Variants in NTAQ1 observed in about 807,000 individuals in gnomAD.
The protein encoded by NTAQ1 is N-terminal glutamine amidase 1, also known as protein N-terminal glutamine amidohydrolase.
In NTAQ1, 21 loss-of-function variants were observed where a neutral mutation model predicts 28.2. That is an observed-to-expected ratio of 0.74 (90% CI 0.53 to 1.07). NTAQ1 has a LOEUF of 1.07. NTAQ1 is among the 50% of genes least tolerant of loss of function. The pLI is 0.00. For missense variants in NTAQ1, 264 were observed against 256.6 expected, an observed-to-expected ratio of 1.03 and a Z score of -0.20; for synonymous variants, 105 against 90.0, an observed-to-expected ratio of 1.17 and a Z score of -0.94.
downstream of NTAQ1, among the ~76,000 whole-genome samples, chr8:123,451,645 TC>T (rs958475340): frequency 7.2e-5 from 11 of 152,170 alleles, no homozygotes; most frequent in Non-Finnish European, 1.6e-4. Flanking sequence ...GGTCTAAAAG[TC>T]TGTTTTCTAT....
downstream of NTAQ1, among the ~76,000 whole-genome samples, chr8:123,473,333 T>C (rs544425294): frequency 1.3e-5 from 2 of 151,800 alleles, no homozygotes; most frequent in African/African-American, 4.8e-5. Context: ...TCTTGCTCTG[T>C]TGCTTAGGCT....
At chr8:123,468,192 A>G (rs1392545987) in exon 7 of NTAQ1, among the ~76,000 whole-genome samples, 1 of 152,230 alleles carries the variant, frequency 6.6e-6, no homozygotes, top group Non-Finnish European at 1.5e-5. Flanking sequence ...TACCCTAAGC[A>G]CCAATAAATT....
downstream of NTAQ1, among the ~76,000 whole-genome samples, chr8:123,451,527 C>T (rs923144907): frequency 6.6e-6 from 1 of 151,774 alleles, no homozygotes; most frequent in African/African-American, 2.4e-5. Context: ...TTATTAGAGA[C>T]AGAGTTTCAT....
At chr8:123,421,615 G>T (rs7004908) in intron 1 of NTAQ1, among the ~76,000 whole-genome samples, 134,667 of 149,658 alleles carry the variant, frequency 0.9, 60,662 homozygotes, top group East Asian at 0.99. Flanking sequence ...TTCAAGTGAT[G>T]CTCCCAGCTG....
intron 6 of NTAQ1, among the ~76,000 whole-genome samples, chr8:123,454,568 C>G (rs1482753533): frequency 1.3e-5 from 2 of 152,112 alleles, no homozygotes; most frequent in Non-Finnish European, 2.9e-5. Context: ...CGGGGTTTCT[C>G]CATGTTGGTC....
chr8:123,465,421 A>G (rs967992826), intron 6 of NTAQ1, among the ~76,000 whole-genome samples: 2 of 151,998 alleles, frequency 1.3e-5, no homozygotes, highest in African/African-American at 2.4e-5. Context: ...CTCATACTAA[A>G]GCTTTGTAGT....
intron 1 of NTAQ1, among the ~76,000 whole-genome samples, chr8:123,422,613 T>G (rs1364598225): frequency 5.9e-5 from 9 of 151,686 alleles, no homozygotes; most frequent in Non-Finnish European, 1.3e-4. Context: ...ATAGTTTTTT[T>G]TTTTTTTTTT....
chr8:123,428,372 T>A (rs1321982369), intron 2 of NTAQ1, among the ~76,000 whole-genome samples: 1 of 151,888 alleles, frequency 6.6e-6, no homozygotes, highest in African/African-American at 2.4e-5. Context: ...AATTTTTGTA[T>A]TTTTTAGTAG....
chr8:123,457,685 T>A (rs1233236453), intron 6 of NTAQ1, among the ~76,000 whole-genome samples: 1 of 152,114 alleles, frequency 6.6e-6, no homozygotes, highest in Non-Finnish European at 1.5e-5. Context: ...GAAACTTCAT[T>A]GTGTACCCTT....
At chr8:123,432,394 C>T (rs1814450431) in intron 3 of NTAQ1, among the ~76,000 whole-genome samples, 1 of 152,118 alleles carries the variant, frequency 6.6e-6, no homozygotes, top group Non-Finnish European at 1.5e-5. Flanking sequence ...AATCCCAGCA[C>T]TTTGGGATGC....
chr8:123,420,590 C>CATTT (rs1813618794), intron 1 of NTAQ1, among the ~76,000 whole-genome samples: 1 of 102,034 alleles, frequency 9.8e-6, no homozygotes, highest in Non-Finnish European at 1.8e-5. Flanking sequence ...TATTTTTTGC[C>CATTT]TTTTTTTTTT....
chr8:123,442,986 T>C (rs2130342992), downstream of NTAQ1, among the ~76,000 whole-genome samples: 1 of 146,936 alleles, frequency 6.8e-6, no homozygotes, highest in Middle Eastern at 4.3e-3. Flanking sequence ...TAGAAATTTC[T>C]GCATAAACTG....
chr8:123,462,074 C>G (rs1028959875), intron 6 of NTAQ1, among the ~76,000 whole-genome samples: 6 of 152,056 alleles, frequency 3.9e-5, no homozygotes, highest in Non-Finnish European at 7.4e-5. Flanking sequence ...TTAAGACAGT[C>G]TCGCTGTGTC....
downstream of NTAQ1, among the ~76,000 whole-genome samples, chr8:123,449,520 T>G (rs1815406361): frequency 1.3e-5 from 2 of 152,072 alleles, no homozygotes; most frequent in African/African-American, 4.8e-5. Context: ...GTTCAAGACC[T>G]CTACTGTTGC....
chr8:123,455,781 G>C (rs1302856118), intron 6 of NTAQ1, among the ~76,000 whole-genome samples: 4 of 152,104 alleles, frequency 2.6e-5, no homozygotes, highest in Non-Finnish European at 5.9e-5. Context: ...GAAGTCTACT[G>C]CAGGTGTTCT....
chr8:123,421,059 A>T (rs1183076407), intron 1 of NTAQ1, among the ~76,000 whole-genome samples: 1 of 146,942 alleles, frequency 6.8e-6, no homozygotes, highest in African/African-American at 2.5e-5. Context: ...TGCTGGGATT[A>T]TAGGCATGAG....
intron 3 of NTAQ1, among the ~76,000 whole-genome samples, chr8:123,433,131 T>C (rs1814498586): frequency 6.6e-6 from 1 of 152,220 alleles, no homozygotes; most frequent in Non-Finnish European, 1.5e-5. Flanking sequence ...GGGCAGACAC[T>C]GAACCAACTC....
In NTAQ1 at chr8:123,437,196, T is replaced by A. The variant is rs753967667; in HGVS notation, c.384-14T>A. On this transcript the variant is annotated splice_polypyrimidine_tract_variant and intron_variant, in intron 4 of 5. Transcript: ENST00000287387. ...ACATCTCCCTAATGTGAGTGTATAT[T>A]GATTTTTCTGCAGGAAATTTAGAGT... 1 of 1,613,518 alleles carries A rather than the reference T, an allele frequency of 6.2e-7. No individual in the cohort carries two copies. Among genetic ancestry groups the A allele is most frequent in the Non-Finnish European group, 8.5e-7 (1 of 1,179,730 alleles).
chr8:123,432,308 A>T lies in NTAQ1; in HGVS notation c.234+2275A>T, dbSNP rs548619718. On this transcript the variant is annotated intron_variant, in intron 3 of 5. Coordinates refer to ENST00000287387, the MANE Select transcript of NTAQ1 (RefSeq NM_018024.3). The stretch of plus-strand genomic sequence containing the variant: ...AATGGATAAAAGTCTATGACATCAC[A>T]AATATATCTGCCACATTAGCCATTT... 2.0e-5 allele frequency among the ~76,000 whole-genome samples: 3 copies of T among 152,300 alleles called. No homozygotes were observed. In the East Asian group the frequency reaches 5.8e-4, roughly 29 times the overall value.
Sources: gnomAD v4.1 joint callset for allele counts (sites outside exome capture counted in the v4.1 genomes callset) on GRCh38, gnomAD v4.1.1 for gene constraint, MANE v1.5 for transcripts, NCBI Gene and HGNC (gene_info 2026-07-23, HGNC 2026-07-21) for gene names.